CYP2S1: variants seen among roughly 807,000 people sequenced by gnomAD.
CYP2S1 encodes the protein cytochrome P450 2S1.
CYP2S1 carries 32 observed loss-of-function variants against 43.5 expected under a neutral mutation model. The ratio of observed to expected loss-of-function variants is 0.74; its 90% confidence interval spans 0.56 to 0.99. CYP2S1 has a LOEUF of 0.99. Among genes scored for constraint, CYP2S1 ranks in the 50% least tolerant of loss-of-function variants. CYP2S1 has a pLI of 0.00. For synonymous variants in CYP2S1, 283 were observed against 302.9 expected (o/e 0.93, Z 0.68); for missense variants, 575 against 673.9 (o/e 0.85, Z 1.62).
In CYP2S1 at chr19:41,197,844, G is replaced by C. The variant is rs748546829; in HGVS notation, c.409G>C (p.Asp137His). 1 of 1,614,196 alleles carries C rather than the reference G, an allele frequency of 6.2e-7. No individual in the cohort carries two copies. Among genetic ancestry groups the C allele is most frequent in the Non-Finnish European group, 8.5e-7 (1 of 1,180,054 alleles). Reference sequence around the variant, plus strand: ...GAAGTTTACCATGCTTGCTCTGCGGGACCTGGGCATGGGGAAGCGAGAAGG... The same window carrying C: ...GAAGTTTACCATGCTTGCTCTGCGGCACCTGGGCATGGGGAAGCGAGAAGG... Reference protein sequence around the residue: ...LRKFTMLALRDLGMGKREGEE... With the variant: ...LRKFTMLALRHLGMGKREGEE... The change falls in exon 3 of 9, where the codon GAC becomes CAC. Residue 137 changes from aspartate to histidine, a missense_variant. Asp to His is a moderately conservative substitution (Grantham distance 81). Coordinates refer to ENST00000310054, the MANE Select transcript of CYP2S1 (RefSeq NM_030622.8).
Position 41,203,487 on chromosome 19 carries a change from T to TTACC in CYP2S1, c.1014_1015insTACC (p.Gly339TyrfsTer22). The TTACC allele has an allele frequency of 6.2e-7, 1 of 1,608,222 alleles. No homozygotes were observed. Among genetic ancestry groups the TTACC allele is most frequent in the Non-Finnish European group, 8.5e-7 (1 of 1,177,442 alleles). The stretch of plus-strand genomic sequence containing the variant: ...AGGAGCTGAATCGGGAGCTGGGGGC[T>TTACC]GGCCAGGCACCAAGCCTAGGGGACC... On this transcript the variant is annotated frameshift_variant, in exon 7 of 9. Transcript: ENST00000310054. LOFTEE classifies it high-confidence loss of function.
intron 5 of CYP2S1, among the ~76,000 whole-genome samples, chr19:41,199,739 C>T (rs762881546): frequency 6.7e-4 from 102 of 151,800 alleles, no homozygotes; most frequent in Non-Finnish European, 1.3e-3. Context: ...CCGAGACGGG[C>T]GGATCACCTG....
rs2033438859 is a variant in CYP2S1, at chr19:41,198,152, C to T, written c.493+224C>T. 6.6e-6 allele frequency among the ~76,000 whole-genome samples: 1 copy of T among 152,094 alleles called. No homozygotes were observed. Among genetic ancestry groups the T allele is most frequent in the Non-Finnish European group, 1.5e-5 (1 of 68,004 alleles). On this transcript the variant is annotated intron_variant, in intron 3 of 8. Transcript: ENST00000310054. The surrounding 1 kb of genome is among the most constrained non-coding windows in gnomAD (Gnocchi z 4.9). ...CTCTGTGTGTCTCTGGTGCTATCAT[C>T]CCATTCTTCCTGGGTCTCCATCTCT...
chr19:41,201,443 C>T (rs531606776), intron 6 of CYP2S1, 71 bp downstream of exon 6: 11 of 1,550,680 alleles, frequency 7.1e-6, no homozygotes, highest in East Asian at 4.5e-5. Flanking sequence ...AGGTGGCTCA[C>T]GCCTATAATC....
chr19:41,201,455 C>T, intron 6 of CYP2S1, 83 bp downstream of exon 6: 2 of 1,530,328 alleles, frequency 1.3e-6, no homozygotes, highest in Non-Finnish European at 1.8e-6. Flanking sequence ...CCTATAATCC[C>T]AGCACTTTGG....
At chr19:41,197,149 C>A (rs1186663422) in intron 2 of CYP2S1, among the ~76,000 whole-genome samples, 2 of 151,942 alleles carry the variant, frequency 1.3e-5, no homozygotes, top group African/African-American at 4.8e-5. Context: ...GAGCTGAGAT[C>A]GTGCCATTGC....
chr19:41,197,470 G>A (rs1377515605), intron 2 of CYP2S1, among the ~76,000 whole-genome samples: 1 of 152,124 alleles, frequency 6.6e-6, no homozygotes, highest in African/African-American at 2.4e-5. Context: ...GGAGGCTGAG[G>A]TGGGTGGATC....
At chr19:41,197,471 T>C (rs772216896) in intron 2 of CYP2S1, among the ~76,000 whole-genome samples, 1 of 151,754 alleles carries the variant, frequency 6.6e-6, no homozygotes, top group Non-Finnish European at 1.5e-5. Flanking sequence ...GAGGCTGAGG[T>C]GGGTGGATCA....
intron 7 of CYP2S1, 94 bp downstream of exon 7, chr19:41,203,731 C>T: frequency 1.6e-6 from 2 of 1,270,626 alleles, no homozygotes; most frequent in Non-Finnish European, 2.1e-6. Context: ...TTTTCTTGAT[C>T]TTAGTGTCTC....
In CYP2S1 at chr19:41,204,018, C is replaced by T. The variant is rs188869949; in HGVS notation, c.1164+381C>T. On this transcript the variant is annotated intron_variant, in intron 7 of 8. Transcript: ENST00000310054. Reference sequence around the variant, plus strand: ...CTGGGATTACAGGTGCCCACCACCACGCCCAGCTAATTTTTTGTATTTTTA... The same window carrying T: ...CTGGGATTACAGGTGCCCACCACCATGCCCAGCTAATTTTTTGTATTTTTA... 3.4e-4 allele frequency among the ~76,000 whole-genome samples: 51 copies of T among 151,878 alleles called. No individual in the cohort carries two copies. In the East Asian group the frequency reaches 8.0e-3, roughly 24 times the overall value.
In CYP2S1 at chr19:41,203,587, C is replaced by T; in HGVS notation, c.1114C>T (p.Pro372Ser). 6.4e-7 allele frequency: 1 copy of T among 1,561,010 alleles called. No homozygotes were observed. The highest frequency in any genetic ancestry group is 8.7e-7 in the Non-Finnish European group (1 of 1,152,896). ...RLLALVPMGI[P>S]RTLMRTTRFR... ...GCTGGCGCTGGTGCCCATGGGAATA[C>T]CCCGCACCCTCATGCGGACCACCCG... Residue 372 changes from proline (P) to serine (S), a missense_variant, in exon 7 of 9, where the codon CCC becomes TCC. Transcript: ENST00000310054.
chr19:41,196,980 C>T (rs1285695421), intron 2 of CYP2S1, among the ~76,000 whole-genome samples: 1 of 151,382 alleles, frequency 6.6e-6, no homozygotes, highest in Non-Finnish European at 1.5e-5. Flanking sequence ...TGGATTACCT[C>T]AGGTCAGGAG....
At chr19:41,199,182 C>G (rs2033456834) in intron 5 of CYP2S1, among the ~76,000 whole-genome samples, 1 of 152,098 alleles carries the variant, frequency 6.6e-6, no homozygotes, top group Non-Finnish European at 1.5e-5. Flanking sequence ...CCCTTGTGTT[C>G]AGGCCCCATG....
chr19:41,203,811 C>G lies in CYP2S1; in HGVS notation c.1164+174C>G, dbSNP rs537668204. ...TGTCTTCCTCCTCCACTCCTACCCC[C>G]CTGCATCTTTCTTCTCCTTCTTTCT... On this transcript the variant is annotated intron_variant, in intron 7 of 8. Coordinates refer to ENST00000310054, the MANE Select transcript of CYP2S1 (RefSeq NM_030622.8). Among the ~76,000 whole-genome samples the G allele has an allele frequency of 2.6e-5, 4 of 151,840 alleles. No individual in the cohort carries two copies. In the South Asian group the frequency reaches 6.3e-4, roughly 24 times the overall value.
rs957764987 is a variant in CYP2S1, at chr19:41,206,921, G to A, written c.*433G>A. 2.5e-6 allele frequency: 1 copy of A among 401,768 alleles called. No individual in the cohort carries two copies. Among genetic ancestry groups the A allele is most frequent in the Non-Finnish European group, 5.0e-6 (1 of 198,332 alleles). 24.9% of individuals were successfully genotyped at this position (401,768 alleles called of 1,614,324 possible). A position where few individuals can be genotyped will look rare whatever the true frequency, so the allele number is the denominator to read the frequency against. Reference sequence around the variant, plus strand: ...CTCAGTGTCCCTGTCCCTGGTGCCTGGCACAGGGAACAGCATGCCCCCTCC... The same window carrying A: ...CTCAGTGTCCCTGTCCCTGGTGCCTAGCACAGGGAACAGCATGCCCCCTCC... On this transcript the variant is annotated 3_prime_UTR_variant, in exon 9 of 9. Coordinates refer to ENST00000310054, the MANE Select transcript of CYP2S1 (RefSeq NM_030622.8).
intron 2 of CYP2S1, among the ~76,000 whole-genome samples, chr19:41,197,098 G>A (rs1296016251): frequency 6.6e-6 from 1 of 152,186 alleles, no homozygotes; most frequent in Non-Finnish European, 1.5e-5. Flanking sequence ...GGGAAGCTGA[G>A]GCAGGAGAAT....
rs1224201879 is a variant in CYP2S1 at position 41,206,584 on chromosome 19, A to G, written c.*96A>G. The G allele has an allele frequency of 1.4e-6, 2 of 1,450,370 alleles. No homozygotes were observed. The highest frequency in any genetic ancestry group is 2.3e-5 in the East Asian group (1 of 44,122). The allele number at this position is 1,450,370 out of a possible 1,614,324, so 89.8% of individuals were successfully genotyped here. A position where few individuals can be genotyped will look rare whatever the true frequency, so the allele number is the denominator to read the frequency against. On this transcript the variant is annotated 3_prime_UTR_variant, in exon 9 of 9. Coordinates refer to ENST00000310054, the MANE Select transcript of CYP2S1 (RefSeq NM_030622.8). ...TTAATGTCTCCAGAGTGTACACTGC[A>G]GGCAGCCACATTTACACGCCTGCAG...
intron 1 of CYP2S1, 192 bp downstream of exon 1, chr19:41,193,633 C>T: frequency 8.6e-7 from 1 of 1,160,960 alleles, no homozygotes; most frequent in Non-Finnish European, 1.1e-6. Context: ...GGGAGAGGTG[C>T]CCGGGAGAGA....
At chr19:41,203,334 C>T in intron 6 of CYP2S1, 116 bp from the exon 7 acceptor site, 1 of 1,191,386 alleles carries the variant, frequency 8.4e-7, no homozygotes, top group South Asian at 1.8e-5. Context: ...TGGGGGACCA[C>T]TCCTCCCCAC....
Sources: gnomAD v4.1 joint callset for allele counts (sites outside exome capture counted in the v4.1 genomes callset) on GRCh38, gnomAD v4.1.1 for gene constraint, Gnocchi (gnomAD v3.1) non-coding constraint, MANE v1.5 for transcripts, NCBI Gene and HGNC (gene_info 2026-07-23, HGNC 2026-07-21) for gene names.